STK24: variants seen among roughly 807,000 people sequenced by gnomAD.
STK24 encodes the protein serine/threonine kinase 24.
In STK24, 21 loss-of-function variants were observed where a neutral mutation model predicts 55.6. The ratio of observed to expected loss-of-function variants is 0.38; its 90% CI spans 0.27 to 0.54. The LOEUF (loss-of-function observed/expected upper bound fraction) is 0.54, where lower values mean the gene tolerates loss of function less well. Ranked by LOEUF, STK24 falls within the 20% of genes least tolerant of loss-of-function variation. The probability of loss-of-function intolerance (pLI) is 0.79; values close to 1 mark genes in which losing one functional copy is unlikely to be tolerated. For missense variants in STK24, 383 were observed against 538.4 expected (o/e 0.71, Z 2.86); for synonymous variants, 200 against 215.2 (o/e 0.93, Z 0.62).
At position 98,576,908 on chromosome 13, in the gene STK24, AC is replaced by A. The variant is rs1222035903; in HGVS notation, c.-123del. The A allele has an allele frequency of 5.7e-5, 31 of 540,314 alleles. No homozygotes were observed. The African/African-American group carries it at 5.9e-4, about 10-fold the overall frequency. The allele number at this position is 540,314 out of a possible 1,614,324, so 33.5% of individuals were successfully genotyped here. The stretch of plus-strand genomic sequence containing the variant: ...GCGGGGCCGGCCGGAGCCCGAGGCC[AC>A]CCCAGCCCTGGCGGGTCCCGGCCGG... On this transcript the variant is annotated 5_prime_UTR_variant, in exon 1 of 11. Coordinates refer to ENST00000539966, the MANE Select transcript of STK24 (RefSeq NM_001032296.4).
chr13:98,557,410 G>C (rs1008198909), intron 1 of STK24, among the ~76,000 whole-genome samples: 2 of 152,144 alleles, frequency 1.3e-5, no homozygotes, highest in African/African-American at 4.8e-5. Flanking sequence ...GCGTGGGTGC[G>C]TTCATTCGCC....
chr13:98,513,353 T>C (rs1303247168), intron 2 of STK24, among the ~76,000 whole-genome samples: 3 of 152,138 alleles, frequency 2.0e-5, no homozygotes, highest in Non-Finnish European at 4.4e-5. Context: ...CACGCAGCAG[T>C]TTTTCAACAG....
At chr13:98,526,336 T>A (rs768805113) in intron 1 of STK24, among the ~76,000 whole-genome samples, 1 of 151,636 alleles carries the variant, frequency 6.6e-6, no homozygotes, top group Non-Finnish European at 1.5e-5. Context: ...CTAATAGGAG[T>A]GGATTTATTG....
intron 2 of STK24, among the ~76,000 whole-genome samples, chr13:98,482,547 C>T (rs1424402508): frequency 1.3e-5 from 2 of 152,204 alleles, no homozygotes; most frequent in Non-Finnish European, 2.9e-5. Context: ...CGGGGGCCCG[C>T]ACCTGACTCC....
chr13:98,453,659 C>G (rs1255924778), intron 10 of STK24: 1 of 154,938 alleles, frequency 6.5e-6, no homozygotes, highest in Non-Finnish European at 1.4e-5. Context: ...GAAATATGGT[C>G]CAAAGCAGGA....
intron 1 of STK24, among the ~76,000 whole-genome samples, chr13:98,574,281 G>A: frequency 6.6e-6 from 1 of 152,200 alleles, no homozygotes; most frequent in East Asian, 1.9e-4. Flanking sequence ...AAACTGCTGA[G>A]ATTACAGACT....
rs78562911 is a variant in STK24, at chr13:98,513,683, T to C, written c.273+5560A>G. 8.2e-3 allele frequency among the ~76,000 whole-genome samples: 1,252 copies of C among 152,270 alleles called. 23 individuals carry two copies. Among genetic ancestry groups the C allele is most frequent in the African/African-American group, 0.028 (1,157 of 41,540 alleles). Reference sequence around the variant, plus strand: ...CCTTTCAATTTCATTTGTTATCTAATTCAAATAAACTGCAAATCATCTCTC... The same window carrying C: ...CCTTTCAATTTCATTTGTTATCTAACTCAAATAAACTGCAAATCATCTCTC... On this transcript the variant is annotated intron_variant, in intron 2 of 10. Transcript: ENST00000539966.
At position 98,448,147 on chromosome 13, in the gene STK24, T is replaced by A. The variant is rs1892973442; in HGVS notation, c.*5026A>T. Reference sequence around the variant, plus strand: ...AGATTACCAACCAGGCGGCCTGACTTCACCTTGTGTTTCTGTAAGCGATGC... The same window carrying A: ...AGATTACCAACCAGGCGGCCTGACTACACCTTGTGTTTCTGTAAGCGATGC... On this transcript the variant is annotated 3_prime_UTR_variant, in exon 11 of 11. Transcript: ENST00000539966. 1 of 1,150,014 alleles carries A rather than the reference T, an allele frequency of 8.7e-7. No homozygotes were observed. The highest frequency in any genetic ancestry group is 1.3e-6 in the Non-Finnish European group (1 of 760,604). 71.2% of individuals were successfully genotyped at this position (1,150,014 alleles called of 1,614,324 possible).
intron 1 of STK24, chr13:98,553,867 A>G (rs111991633): frequency 0.016 from 2,373 of 152,186 alleles, 59 homozygotes; most frequent in African/African-American, 0.049. Context: ...TTCGAGACCA[A>G]CCTGGCCAAC....
At chr13:98,548,377 CTACA>C (rs1319539191) in intron 1 of STK24, among the ~76,000 whole-genome samples, 1 of 152,112 alleles carries the variant, frequency 6.6e-6, no homozygotes, top group African/African-American at 2.4e-5. Context: ...ACTGCCAATG[CTACA>C]TAAAGAAGCA....
At chr13:98,521,274 AT>A (rs67406406) in intron 1 of STK24, among the ~76,000 whole-genome samples, 27,884 of 152,074 alleles carry the variant, frequency 0.18, 2,605 homozygotes, top group Middle Eastern at 0.23. Flanking sequence ...GAGGCATTTA[AT>A]TTTTTTCCTG....
chr13:98,523,177 A>G (rs2139389033), intron 1 of STK24, among the ~76,000 whole-genome samples: 1 of 152,300 alleles, frequency 6.6e-6, no homozygotes, highest in South Asian at 2.1e-4. Flanking sequence ...ACAGGCTGGG[A>G]CAGGAGGCCA....
rs558483431 is a variant in STK24 at position 98,567,409 on chromosome 13, A to T, written c.42+9336T>A. On this transcript the variant is annotated intron_variant, in intron 1 of 10. Coordinates refer to ENST00000539966, the MANE Select transcript of STK24 (RefSeq NM_001032296.4). Reference sequence around the variant, plus strand: ...AGAAGCACATACTCAATTCTGGACCAGGGGGTTGGAACCCCAAAGCATCAT... The same window carrying T: ...AGAAGCACATACTCAATTCTGGACCTGGGGGTTGGAACCCCAAAGCATCAT... Among the ~76,000 whole-genome samples, 101 of 152,350 alleles carry T rather than the reference A, an allele frequency of 6.6e-4. 2 individuals carry two copies. The South Asian group carries it at 0.012, about 17-fold the overall frequency.
intron 1 of STK24, among the ~76,000 whole-genome samples, chr13:98,572,090 C>T (rs543636335): frequency 5.9e-5 from 9 of 152,218 alleles, no homozygotes; most frequent in African/African-American, 1.7e-4. Flanking sequence ...GCTGTGTCAC[C>T]GCTTTCCAAC....
At chr13:98,545,151 C>A (rs1450284932) in intron 1 of STK24, among the ~76,000 whole-genome samples, 2 of 152,094 alleles carry the variant, frequency 1.3e-5, no homozygotes, top group African/African-American at 4.8e-5. Flanking sequence ...GAATTGGTGC[C>A]CTTTTGGTTG....
chr13:98,567,600 G>A (rs1897620112), intron 1 of STK24, among the ~76,000 whole-genome samples: 1 of 152,146 alleles, frequency 6.6e-6, no homozygotes, highest in African/African-American at 2.4e-5. Flanking sequence ...GGAAAAATAA[G>A]CAGACATGTA....
At chr13:98,512,568 TAAG>T (rs138581328) in intron 2 of STK24, among the ~76,000 whole-genome samples, 64 of 116,586 alleles carry the variant, frequency 5.5e-4, no homozygotes, top group South Asian at 1.3e-3. Flanking sequence ...ACACACAAAG[TAAG>T]TTTTTTTTTT....
chr13:98,456,392 A>G (rs185456230), intron 10 of STK24: 21 of 441,100 alleles, frequency 4.8e-5, no homozygotes, highest in African/African-American at 3.8e-4. Flanking sequence ...CTGAAGATGA[A>G]CTGTCAAGGC....
At chr13:98,463,263 A>G (rs7334470) in intron 7 of STK24, among the ~76,000 whole-genome samples, 125,348 of 152,126 alleles carry the variant, frequency 0.82, 52,123 homozygotes, top group Non-Finnish European at 0.88. Context: ...CTTGACAGCA[A>G]TTCTCAGTAA....
Sources: allele counts gnomAD v4.1 joint callset (sites outside exome capture counted in the v4.1 genomes callset), GRCh38; gene constraint gnomAD v4.1.1; transcripts MANE v1.5; gene names NCBI Gene and HGNC (gene_info 2026-07-23, HGNC 2026-07-21).